NEGR1: variants seen among roughly 807,000 people sequenced by gnomAD.
NEGR1 encodes neuronal growth regulator 1.
A neutral mutation model predicts 40.9 loss-of-function variants in NEGR1; 10 were observed. That is an observed-to-expected ratio of 0.24 (90% confidence interval 0.15 to 0.42). The LOEUF is 0.42. Ranked by LOEUF, NEGR1 falls within the 10% of genes least tolerant of loss-of-function variation. The probability of loss-of-function intolerance (pLI) is 1.00; values close to 1 mark genes in which losing one functional copy is unlikely to be tolerated. For synonymous variants in NEGR1, 185 were observed against 166.8 expected (o/e 1.11, Z -0.84); for missense variants, 352 against 438.9 (o/e 0.80, Z 1.77).
intron 3 of NEGR1, among the ~76,000 whole-genome samples, chr1:71,698,684 A>C (rs1653572520): frequency 6.6e-6 from 1 of 152,070 alleles, no homozygotes; most frequent in African/African-American, 2.4e-5. Flanking sequence ...GGTACAGTGT[A>C]CATGCTATAT....
At chr1:72,110,195 C>A (rs916738602) in intron 1 of NEGR1, among the ~76,000 whole-genome samples, 3 of 123,836 alleles carry the variant, frequency 2.4e-5, no homozygotes, top group Admixed American at 1.9e-4. Context: ...ACAATGTGCA[C>A]ATGTACCCTA....
intron 1 of NEGR1, among the ~76,000 whole-genome samples, chr1:72,241,019 G>T (rs759476593): frequency 2.0e-5 from 3 of 151,746 alleles, no homozygotes; most frequent in African/African-American, 4.8e-5. Context: ...AAAGTCCCAG[G>T]ATGCTCAGTT....
At chr1:72,223,162 G>A (rs1194846159) in intron 1 of NEGR1, among the ~76,000 whole-genome samples, 2 of 152,120 alleles carry the variant, frequency 1.3e-5, no homozygotes, top group Non-Finnish European at 2.9e-5. Flanking sequence ...ACCCTCCGAT[G>A]ACTTCCCAGA....
chr1:71,556,078 A>T (rs1426850580), intron 6 of NEGR1, among the ~76,000 whole-genome samples: 1 of 151,444 alleles, frequency 6.6e-6, no homozygotes, highest in African/African-American at 2.4e-5. Flanking sequence ...AGAGAATATT[A>T]CTTAATATAC....
intron 3 of NEGR1, among the ~76,000 whole-genome samples, chr1:71,715,562 C>T (rs1426554304): frequency 6.6e-6 from 1 of 152,142 alleles, no homozygotes; most frequent in Non-Finnish European, 1.5e-5. Context: ...TTTAAGAGCA[C>T]CCAAGTCACT....
intron 1 of NEGR1, among the ~76,000 whole-genome samples, chr1:72,254,102 A>G (rs1050996713): frequency 6.6e-6 from 1 of 152,124 alleles, no homozygotes; most frequent in African/African-American, 2.4e-5. Flanking sequence ...ATAACCCAAG[A>G]CCCAATTCAA....
chr1:71,709,054 C>G (rs1320588884), intron 3 of NEGR1, among the ~76,000 whole-genome samples: 5 of 152,158 alleles, frequency 3.3e-5, no homozygotes, highest in Non-Finnish European at 7.3e-5. Flanking sequence ...CTGCAATGAA[C>G]ATACAGGTGC....
intron 2 of NEGR1, among the ~76,000 whole-genome samples, chr1:71,825,454 A>C (rs1459329710): frequency 6.6e-6 from 1 of 151,926 alleles, no homozygotes; most frequent in Admixed American, 6.6e-5. Flanking sequence ...TATGATTCTG[A>C]TTCACAAAGG....
intron 2 of NEGR1, among the ~76,000 whole-genome samples, chr1:71,934,837 G>A (rs531327717): frequency 7.0e-4 from 106 of 152,028 alleles, no homozygotes; most frequent in African/African-American, 2.2e-3. Context: ...ATGTGTGTGC[G>A]CGTGTGTGTT....
At chr1:72,192,565 G>A (rs959768216) in intron 1 of NEGR1, among the ~76,000 whole-genome samples, 1 of 151,768 alleles carries the variant, frequency 6.6e-6, no homozygotes, top group Non-Finnish European at 1.5e-5. Flanking sequence ...CTAAATTACA[G>A]TCTAGGAGGG....
chr1:71,863,447 G>A (rs1660014095), intron 2 of NEGR1, among the ~76,000 whole-genome samples: 1 of 152,064 alleles, frequency 6.6e-6, no homozygotes, highest in South Asian at 2.1e-4. Context: ...GACCTATTGG[G>A]GGAGTTGTGG....
chr1:72,036,385 T>C (rs565405211), intron 1 of NEGR1, among the ~76,000 whole-genome samples: 2 of 152,162 alleles, frequency 1.3e-5, no homozygotes, highest in Non-Finnish European at 2.9e-5. Context: ...GCTGGGCACG[T>C]TGGCTCACAC....
chr1:71,857,403 G>A (rs1659807522), intron 2 of NEGR1, among the ~76,000 whole-genome samples: 1 of 147,994 alleles, frequency 6.8e-6, no homozygotes, highest in African/African-American at 2.5e-5. Context: ...CTTGAGCTCA[G>A]GAGTTTGAGA....
intron 1 of NEGR1, among the ~76,000 whole-genome samples, chr1:72,152,749 A>G (rs1651172288): frequency 6.6e-6 from 1 of 152,056 alleles, no homozygotes; most frequent in Non-Finnish European, 1.5e-5. Flanking sequence ...TAGAATGGAT[A>G]AAGAAAATGT....
At chr1:71,933,593 G>GT (rs1645875426) in intron 2 of NEGR1, among the ~76,000 whole-genome samples, 1 of 151,962 alleles carries the variant, frequency 6.6e-6, no homozygotes, top group Admixed American at 6.6e-5. Flanking sequence ...TAAGAAATGT[G>GT]TTTTGTCTTA....
chr1:71,744,304 A>T (rs1570285633), intron 3 of NEGR1, among the ~76,000 whole-genome samples: 1 of 92,112 alleles, frequency 1.1e-5, no homozygotes, highest in African/African-American at 3.6e-5. Flanking sequence ...TATATATATA[A>T]AGTGCTTGGT....
At chr1:72,278,892 ACAT>A (rs1656152974) in intron 1 of NEGR1, among the ~76,000 whole-genome samples, 1 of 152,168 alleles carries the variant, frequency 6.6e-6, no homozygotes, top group Non-Finnish European at 1.5e-5. Flanking sequence ...TGTATTTTAG[ACAT>A]CATATATTTT....
At chr1:72,266,724 A>AAC (rs3082237) in intron 1 of NEGR1, among the ~76,000 whole-genome samples, 57,890 of 133,462 alleles carry the variant, frequency 0.43, 12,192 homozygotes, top group Non-Finnish European at 0.46. Flanking sequence ...TAGACAGATA[A>AAC]ACACACACAC....
intron 2 of NEGR1, among the ~76,000 whole-genome samples, chr1:71,882,045 G>A (rs988176546): frequency 3.9e-5 from 6 of 152,046 alleles, no homozygotes; most frequent in Non-Finnish European, 7.4e-5. Context: ...AATACAGTTT[G>A]GGAATATTCT....
Sources: allele counts gnomAD v4.1 joint callset (sites outside exome capture counted in the v4.1 genomes callset), GRCh38; gene constraint gnomAD v4.1.1; transcripts MANE v1.5; gene names NCBI Gene and HGNC (gene_info 2026-07-23, HGNC 2026-07-21).